EBF2: variants seen among roughly 807,000 people sequenced by gnomAD.
EBF2 encodes the protein EBF transcription factor 2.
EBF2 carries 21 observed loss-of-function variants against 72.8 expected under a neutral mutation model. The observed-to-expected ratio is 0.29, with a 90% CI of 0.20 to 0.42. EBF2 has a LOEUF of 0.42. Among genes scored for constraint, EBF2 ranks in the 10% least tolerant of loss-of-function variants. The probability of loss-of-function intolerance (pLI) is 1.00; values close to 1 mark genes in which losing one functional copy is unlikely to be tolerated. For synonymous variants in EBF2, 299 were observed against 274.2 expected, an observed-to-expected ratio of 1.09 and a Z score of -0.89; for missense variants, 637 against 731.2, an observed-to-expected ratio of 0.87 and a Z score of 1.49.
intron 10 of EBF2, among the ~76,000 whole-genome samples, chr8:25,886,153 C>A (rs1416849280): frequency 6.6e-6 from 1 of 152,236 alleles, no homozygotes; most frequent in South Asian, 2.1e-4. Flanking sequence ...ATATTCCATT[C>A]ATCGGAATTA....
intron 6 of EBF2, among the ~76,000 whole-genome samples, chr8:25,935,648 G>T (rs1393269101): frequency 6.6e-6 from 1 of 152,164 alleles, no homozygotes; most frequent in East Asian, 1.9e-4. Flanking sequence ...AGTGTTATTT[G>T]TTTGCCACTT....
chr8:25,887,641 T>C (rs970911453), intron 9 of EBF2, among the ~76,000 whole-genome samples: 1 of 152,160 alleles, frequency 6.6e-6, no homozygotes, highest in Non-Finnish European at 1.5e-5. Flanking sequence ...TGGAGTGACA[T>C]TCCATCACTT....
intron 6 of EBF2, among the ~76,000 whole-genome samples, chr8:25,919,770 T>C (rs924347245): frequency 6.6e-6 from 1 of 152,204 alleles, no homozygotes; most frequent in Non-Finnish European, 1.5e-5. Context: ...CCCTGAAAGA[T>C]GTTCATGTGA....
At chr8:26,039,958 G>A in intron 5 of EBF2, 70 bp downstream of exon 5, 1 of 1,549,620 alleles carries the variant, frequency 6.5e-7, no homozygotes, top group South Asian at 1.1e-5. Flanking sequence ...TCCCGGGAAC[G>A]CGGCGCGCCA....
At chr8:25,966,323 G>T (rs986257075) in intron 6 of EBF2, among the ~76,000 whole-genome samples, 1 of 152,142 alleles carries the variant, frequency 6.6e-6, no homozygotes, top group Non-Finnish European at 1.5e-5. Flanking sequence ...AGGAAGGAGG[G>T]GTGCAGTTGC....
intron 5 of EBF2, 105 bp from the exon 6 acceptor site, chr8:26,033,258 T>C (rs943778147): frequency 1.5e-5 from 17 of 1,109,112 alleles, no homozygotes; most frequent in African/African-American, 9.3e-5. Flanking sequence ...AGTCTGGCTC[T>C]GTCACCAGGC....
intron 5 of EBF2, among the ~76,000 whole-genome samples, chr8:26,036,255 G>A (rs1404111065): frequency 2.0e-5 from 3 of 152,184 alleles, no homozygotes; most frequent in Non-Finnish European, 2.9e-5. Context: ...AGATAAAAAT[G>A]TAAGCCTGGT....
intron 13 of EBF2, among the ~76,000 whole-genome samples, chr8:25,858,980 TTC>T (rs1163023698): frequency 1.3e-5 from 2 of 151,996 alleles, no homozygotes; most frequent in African/African-American, 2.4e-5. Context: ...TTTTATACCT[TTC>T]TCTCTCTTCC....
rs116093715 is a variant in EBF2 at position 25,860,012 on chromosome 8, C to T, written c.1342+1037G>A. 8.8e-3 allele frequency among the ~76,000 whole-genome samples: 1,334 copies of T among 151,894 alleles called. 21 individuals are homozygous for T. Among genetic ancestry groups the T allele is most frequent in the African/African-American group, 0.031 (1,264 of 41,406 alleles). On this transcript the variant is annotated intron_variant, in intron 13 of 15. Coordinates refer to ENST00000520164, the MANE Select transcript of EBF2 (RefSeq NM_022659.4). ...GATTACAAGCGTGAGCCACCACACC[C>T]GGCTCACCTACTCTTTTGTAAGAAC...
chr8:26,036,542 A>G (rs1041188924), intron 5 of EBF2, among the ~76,000 whole-genome samples: 1 of 37,258 alleles, frequency 2.7e-5, no homozygotes, highest in Non-Finnish European at 4.7e-5. Flanking sequence ...GCCAAAGCAA[A>G]TTATTATTTT....
At chr8:25,952,493 A>G (rs2117170256) in intron 6 of EBF2, among the ~76,000 whole-genome samples, 1 of 152,364 alleles carries the variant, frequency 6.6e-6, no homozygotes, top group South Asian at 2.1e-4. Flanking sequence ...CAGGGTGAAC[A>G]GGAACATGTA....
At chr8:26,028,027 T>C (rs144502767) in intron 6 of EBF2, among the ~76,000 whole-genome samples, 5 of 152,272 alleles carry the variant, frequency 3.3e-5, no homozygotes, top group Non-Finnish European at 7.4e-5. Context: ...TGAAAAGAGT[T>C]ATATAAATGA....
At chr8:25,864,898 A>T (rs559894678) in intron 10 of EBF2, among the ~76,000 whole-genome samples, 23 of 151,942 alleles carry the variant, frequency 1.5e-4, no homozygotes, top group African/African-American at 5.3e-4. Flanking sequence ...CCCGGGTTCA[A>T]GCGATTCTCC....
intron 6 of EBF2, among the ~76,000 whole-genome samples, chr8:25,997,088 C>T (rs1804645337): frequency 6.6e-6 from 1 of 152,086 alleles, no homozygotes; most frequent in South Asian, 2.1e-4. Context: ...GGTCACCATG[C>T]AATCCTGGAG....
At chr8:25,844,747 T>C (rs1270518726) in intron 15 of EBF2, 107 bp from the exon 16 acceptor site, 3 of 1,414,990 alleles carry the variant, frequency 2.1e-6, no homozygotes. Context: ...CTGATGCTAT[T>C]CAAGGAGATG....
rs756866454 is a variant in EBF2 at position 25,844,579 on chromosome 8, AGTT to A, written c.*27_*29del. 32 of 1,612,936 alleles carry A rather than the reference AGTT, an allele frequency of 2.0e-5. No individual in the cohort carries two copies. The highest frequency in any genetic ancestry group is 2.5e-5 in the Non-Finnish European group (30 of 1,179,086). On this transcript the variant is annotated 3_prime_UTR_variant, in exon 16 of 16. Coordinates refer to ENST00000520164, the MANE Select transcript of EBF2 (RefSeq NM_022659.4). ...TCATTATTGGTCCATCAGAGTAAGT[AGTT>A]TTGTGCTATAAGAAAGCAGTTCTTC...
At chr8:26,004,374 A>G (rs1804791658) in intron 6 of EBF2, among the ~76,000 whole-genome samples, 2 of 152,264 alleles carry the variant, frequency 1.3e-5, no homozygotes, top group Middle Eastern at 3.4e-3. Context: ...TACTTTGACT[A>G]TTAAGATAGG....
At chr8:25,962,119 T>C (rs955613598) in intron 6 of EBF2, among the ~76,000 whole-genome samples, 1 of 152,224 alleles carries the variant, frequency 6.6e-6, no homozygotes, top group Non-Finnish European at 1.5e-5. Flanking sequence ...ACGTCTTACT[T>C]GTTTTCTTCT....
At chr8:26,035,115 A>C (rs1015214609) in intron 5 of EBF2, among the ~76,000 whole-genome samples, 22 of 150,840 alleles carry the variant, frequency 1.5e-4, no homozygotes, top group Non-Finnish European at 7.4e-5. Context: ...GCAGGAACCC[A>C]ATGGCCTAGC....
Sources: gnomAD v4.1 joint callset for allele counts (sites outside exome capture counted in the v4.1 genomes callset) on GRCh38, gnomAD v4.1.1 for gene constraint, MANE v1.5 for transcripts, NCBI Gene and HGNC (gene_info 2026-07-23, HGNC 2026-07-21) for gene names.